Variants in MME observed in about 807,000 individuals in gnomAD.
MME encodes the protein membrane metalloendopeptidase.
A neutral mutation model predicts 113.2 loss-of-function variants in MME; 98 were observed. That is an observed-to-expected ratio of 0.87 (90% confidence interval 0.74 to 1.02). The LOEUF is 1.02. MME is among the 50% of genes least tolerant of loss of function. The probability of loss-of-function intolerance (pLI) is 0.00; values close to 1 mark genes in which losing one functional copy is unlikely to be tolerated. For synonymous variants in MME, 292 were observed against 300.6 expected, an observed-to-expected ratio of 0.97 and a Z score of 0.30; for missense variants, 836 against 896.0, an observed-to-expected ratio of 0.93 and a Z score of 0.86.
intron 1 of MME, among the ~76,000 whole-genome samples, chr3:155,047,861 T>C (rs934562511): frequency 3.3e-5 from 5 of 152,174 alleles, no homozygotes; most frequent in African/African-American, 1.2e-4. Context: ...CTCATTTCTG[T>C]AGGTGGTAAT....
At chr3:155,097,680 T>C (rs960774372) in intron 3 of MME, among the ~76,000 whole-genome samples, 1 of 152,158 alleles carries the variant, frequency 6.6e-6, no homozygotes, top group Admixed American at 6.5e-5. Context: ...CCAAGATGGC[T>C]GAAATGCAAA....
Position 155,116,862 on chromosome 3 carries a change from C to G in MME, c.536-6C>G. Reference sequence around the variant, plus strand: ...TAAAGATATATTTTATCTTTTATTGCTTTAGGTGCTTCTTGGACAGCTGAA... The same window carrying G: ...TAAAGATATATTTTATCTTTTATTGGTTTAGGTGCTTCTTGGACAGCTGAA... On this transcript the variant is annotated splice_polypyrimidine_tract_variant and splice_region_variant and intron_variant, in intron 6 of 22. Transcript: ENST00000360490. 4.4e-6 allele frequency: 7 copies of G among 1,580,568 alleles called. No homozygotes were observed. Among genetic ancestry groups the G allele is most frequent in the Non-Finnish European group, 6.1e-6 (7 of 1,150,064 alleles).
chr3:155,125,444 C>CG (rs1719562700), intron 8 of MME, among the ~76,000 whole-genome samples: 1 of 65,286 alleles, frequency 1.5e-5, no homozygotes, highest in South Asian at 7.9e-4. Context: ...GCTCCTCCTC[C>CG]TTTTTTTTTT....
At chr3:155,101,480 G>T (rs1277654206) in intron 3 of MME, among the ~76,000 whole-genome samples, 1 of 152,120 alleles carries the variant, frequency 6.6e-6, no homozygotes, top group Non-Finnish European at 1.5e-5. Context: ...CTTCCAGTCA[G>T]CCCTACTCTT....
At chr3:155,091,128 C>T (rs1307982805) in intron 3 of MME, among the ~76,000 whole-genome samples, 1 of 152,156 alleles carries the variant, frequency 6.6e-6, no homozygotes, top group Admixed American at 6.5e-5. Context: ...CAGCAGACAT[C>T]TTAGTAGGAA....
At chr3:155,124,799 G>A (rs901534918) in intron 8 of MME, among the ~76,000 whole-genome samples, 8 of 152,014 alleles carry the variant, frequency 5.3e-5, no homozygotes, top group Non-Finnish European at 7.4e-5. Context: ...GCTGTGTGCT[G>A]GGAGAACCAC....
intron 1 of MME, among the ~76,000 whole-genome samples, chr3:155,049,145 G>C (rs183646708): frequency 6.6e-6 from 1 of 151,952 alleles, no homozygotes; most frequent in African/African-American, 2.4e-5. Context: ...TGTATGTATA[G>C]TGAATTGAAT....
intron 3 of MME, among the ~76,000 whole-genome samples, chr3:155,099,372 T>C (rs527695188): frequency 3.7e-4 from 56 of 152,336 alleles, no homozygotes; most frequent in Middle Eastern, 3.4e-3. Context: ...TGTTTAAACA[T>C]TTCTCAGCGG....
chr3:155,071,400 A>C (rs1714550436), intron 1 of MME, among the ~76,000 whole-genome samples: 1 of 152,210 alleles, frequency 6.6e-6, no homozygotes, highest in African/African-American at 2.4e-5. Flanking sequence ...TTTAATTTTC[A>C]GTCACTCAGC....
intron 16 of MME, among the ~76,000 whole-genome samples, chr3:155,156,834 C>T (rs1722354792): frequency 6.6e-6 from 1 of 151,992 alleles, no homozygotes; most frequent in South Asian, 2.1e-4. Context: ...GCAGTACCGG[C>T]TCACTAACAA....
chr3:155,162,261 T>C (rs1374761595), intron 17 of MME, among the ~76,000 whole-genome samples: 1 of 152,180 alleles, frequency 6.6e-6, no homozygotes. Context: ...CTTGTTTGAT[T>C]CTGAATTACC....
At chr3:155,155,880 C>T (rs1036279629) in intron 16 of MME, among the ~76,000 whole-genome samples, 4 of 152,160 alleles carry the variant, frequency 2.6e-5, no homozygotes, top group Admixed American at 1.3e-4. Context: ...TTAGCAAAGA[C>T]TAAAAAGATT....
chr3:155,154,821 C>T (rs1320394774), intron 16 of MME, among the ~76,000 whole-genome samples: 1 of 151,974 alleles, frequency 6.6e-6, no homozygotes, highest in African/African-American at 2.4e-5. Context: ...GGTGGGCAGG[C>T]GGAGCACCGG....
intron 14 of MME, among the ~76,000 whole-genome samples, chr3:155,146,549 A>G (rs1300279061): frequency 6.6e-6 from 1 of 152,010 alleles, no homozygotes; most frequent in Non-Finnish European, 1.5e-5. Flanking sequence ...AAAAGATAGT[A>G]GTAAATACAT....
chr3:155,083,004 A>G (rs1440004074), intron 1 of MME, among the ~76,000 whole-genome samples: 1 of 152,200 alleles, frequency 6.6e-6, no homozygotes, highest in Admixed American at 6.5e-5. Context: ...CTAATCTGCT[A>G]GTTTAAGATG....
intron 3 of MME, among the ~76,000 whole-genome samples, chr3:155,092,210 G>A (rs759537278): frequency 1.3e-5 from 2 of 152,116 alleles, no homozygotes; most frequent in African/African-American, 2.4e-5. Context: ...ACATCCTCAC[G>A]GATGCACCCA....
intron 3 of MME, chr3:155,112,857 A>G (rs1239831392): frequency 1.3e-5 from 2 of 152,218 alleles, no homozygotes; most frequent in Non-Finnish European, 2.9e-5. Flanking sequence ...CACCCCTGTT[A>G]CCTAGGTGCT....
intron 1 of MME, among the ~76,000 whole-genome samples, chr3:155,034,204 C>G (rs539673939): frequency 1.3e-5 from 2 of 152,278 alleles, no homozygotes; most frequent in African/African-American, 4.8e-5. Context: ...TACCAGAGCA[C>G]TGTAGCCACA....
chr3:155,116,445 A>G (rs1164834920), intron 4 of MME, 34 bp from the exon 5 acceptor site: 1 of 1,410,268 alleles, frequency 7.1e-7, no homozygotes, highest in Non-Finnish European at 1.0e-6. Flanking sequence ...ATGAGCAATT[A>G]TGTTGATGCA....
Sources: allele counts gnomAD v4.1 joint callset (sites outside exome capture counted in the v4.1 genomes callset), GRCh38; gene constraint gnomAD v4.1.1; transcripts MANE v1.5; gene names NCBI Gene and HGNC (gene_info 2026-07-23, HGNC 2026-07-21).